The following C1QTNF1 variants were observed in gnomAD, a reference collection of about 807,000 sequenced individuals.
C1QTNF1 encodes C1q and TNF related 1.
C1QTNF1 carries 22 observed loss-of-function variants against 27.8 expected under a neutral mutation model. The ratio of observed to expected loss-of-function variants is 0.79; its 90% confidence interval spans 0.56 to 1.13. The LOEUF (loss-of-function observed/expected upper bound fraction) is 1.13, where lower values mean the gene tolerates loss of function less well. C1QTNF1 is among the 50% of genes most tolerant of loss of function. C1QTNF1 has a pLI of 0.00. For missense variants in C1QTNF1, 373 were observed against 380.2 expected (o/e 0.98, Z 0.16); for synonymous variants, 166 against 154.3 (o/e 1.08, Z -0.56).
chr17:79,034,728 G>A (rs991463091), intron 1 of C1QTNF1, among the ~76,000 whole-genome samples: 7 of 152,218 alleles, frequency 4.6e-5, no homozygotes, highest in African/African-American at 1.7e-4. Context: ...CTGGACTTGG[G>A]CTTTGGAAGT....
intron 1 of C1QTNF1, among the ~76,000 whole-genome samples, chr17:79,030,459 T>TTTC (rs2072096201): frequency 5.9e-5 from 8 of 135,314 alleles, no homozygotes; most frequent in African/African-American, 2.2e-4. Flanking sequence ...TCTTTCTTTC[T>TTTC]TTTCTTTCTT....
intron 1 of C1QTNF1, among the ~76,000 whole-genome samples, chr17:79,038,585 G>C (rs900085520): frequency 1.3e-5 from 2 of 152,222 alleles, no homozygotes; most frequent in Admixed American, 1.3e-4. Flanking sequence ...TGCTGGAACT[G>C]TCTTCAGTTG....
upstream of C1QTNF1, among the ~76,000 whole-genome samples, chr17:79,023,781 C>T (rs773175442): frequency 5.3e-5 from 8 of 152,090 alleles, no homozygotes; most frequent in Admixed American, 1.3e-4. Flanking sequence ...TCCCCCAAAC[C>T]TGTCTGAGTC....
At chr17:79,030,549 T>C (rs1476478948) in intron 1 of C1QTNF1, among the ~76,000 whole-genome samples, 4 of 150,996 alleles carry the variant, frequency 2.6e-5, no homozygotes, top group African/African-American at 9.8e-5. Context: ...TCTTTTTCTT[T>C]CTTTCCTCTC....
At chr17:79,039,601 C>G (rs1017168136) in intron 1 of C1QTNF1, among the ~76,000 whole-genome samples, 1 of 151,872 alleles carries the variant, frequency 6.6e-6, no homozygotes, top group Non-Finnish European at 1.5e-5. Flanking sequence ...TGCAGTGAGC[C>G]AAGATCGCGC....
At chr17:79,033,937 G>A (rs544360488) in intron 1 of C1QTNF1, among the ~76,000 whole-genome samples, 8 of 152,290 alleles carry the variant, frequency 5.3e-5, no homozygotes, top group African/African-American at 1.2e-4. Flanking sequence ...GTGGGTGATC[G>A]TAGCCAAGCA....
Position 79,046,860 on chromosome 17 carries a change from T to C in C1QTNF1, c.295+166T>C. The C allele has an allele frequency of 1.1e-6, 1 of 939,712 alleles. No homozygotes were observed. The highest frequency in any genetic ancestry group is 1.5e-6 in the Non-Finnish European group (1 of 646,910). The allele number at this position is 939,712 out of a possible 1,614,324, so 58.2% of individuals were successfully genotyped here. The stretch of plus-strand genomic sequence containing the variant: ...ATCTAGAGGGGAAGGCACAGGAAAT[T>C]CTGATTTTGAGGCTCTGGCCCCTCT... On this transcript the variant is annotated intron_variant, in intron 3 of 3. Coordinates refer to ENST00000579760, the MANE Select transcript of C1QTNF1 (RefSeq NM_030968.5). This position sits in a 1 kb window ranked among gnomAD's most constrained non-coding sequence, Gnocchi z 4.8.
intron 1 of C1QTNF1, chr17:79,024,795 T>C (rs1343733458): frequency 6.6e-6 from 1 of 152,436 alleles, no homozygotes; most frequent in Non-Finnish European, 1.5e-5. Flanking sequence ...CGGGAGGAAT[T>C]GCACCTTCCC....
rs766495404 is a variant in C1QTNF1 at position 79,047,850 on chromosome 17, A to G, written c.608A>G (p.Asn203Ser). 1.2e-6 allele frequency: 2 copies of G among 1,614,176 alleles called. No individual in the cohort carries two copies. The highest frequency in any genetic ancestry group is 1.7e-6 in the Non-Finnish European group (2 of 1,180,012). Residue 203 changes from asparagine (N) to serine (S), a missense_variant, in exon 4 of 4, where the codon AAC becomes AGC. Asn to Ser is a conservative substitution (Grantham distance 46, BLOSUM62 1). Transcript: ENST00000579760. ...YFFSLNVHTW[N>S]QKETYLHIMK... Reference sequence around the variant, plus strand: ...TTCAGCCTCAACGTGCACACCTGGAACCAGAAGGAGACCTACCTGCACATC... The same window carrying G: ...TTCAGCCTCAACGTGCACACCTGGAGCCAGAAGGAGACCTACCTGCACATC...
At chr17:79,027,218 A>G (rs1287563565) in intron 1 of C1QTNF1, among the ~76,000 whole-genome samples, 1 of 152,056 alleles carries the variant, frequency 6.6e-6, no homozygotes, top group Non-Finnish European at 1.5e-5. Flanking sequence ...AGTAGCCTCT[A>G]GAGATGTTCA....
chr17:79,047,987 C>G lies in C1QTNF1; in HGVS notation c.745C>G (p.Arg249Gly), dbSNP rs766930641. 3 of 1,613,050 alleles carry G rather than the reference C, an allele frequency of 1.9e-6. No individual in the cohort carries two copies. The highest frequency in any genetic ancestry group is 2.2e-5 in the South Asian group (2 of 91,042). Residue 249 changes from arginine (R) to glycine (G), a missense_variant, in exon 4 of 4, where the codon CGC becomes GGC. By Grantham distance (125) the Arg-to-Gly change is moderately radical. Transcript: ENST00000579760. ...GCGAGAGCAGGACCAGGTGTGGGTA[C>G]GCCTCTACAAGGGCGAACGTGAGAA... ...ELREQDQVWV[R>G]LYKGERENAI...
chr17:79,023,704 G>GCACACACACA (rs5822269), upstream of C1QTNF1, among the ~76,000 whole-genome samples: 812 of 145,004 alleles, frequency 5.6e-3, 8 homozygotes, highest in African/African-American at 0.01. Flanking sequence ...GCGCGCGCGC[G>GCACACACACA]CACACACACA....
chr17:79,040,495 A>C (rs1246981415), intron 1 of C1QTNF1, among the ~76,000 whole-genome samples: 1 of 152,090 alleles, frequency 6.6e-6, no homozygotes, highest in African/African-American at 2.4e-5. Flanking sequence ...GGAAGGCTTC[A>C]GGAAGACTAT....
chr17:79,033,703 C>CTAAATAAA (rs531584434), intron 1 of C1QTNF1, among the ~76,000 whole-genome samples: 3 of 151,542 alleles, frequency 2.0e-5, no homozygotes, highest in Non-Finnish European at 4.4e-5. Context: ...ACCCTGTCTC[C>CTAAATAAA]TAAATAAATA....
At chr17:79,043,041 T>G (rs1339609809) in intron 1 of C1QTNF1, among the ~76,000 whole-genome samples, 2 of 151,354 alleles carry the variant, frequency 1.3e-5, no homozygotes, top group African/African-American at 4.9e-5. Flanking sequence ...TGTATATGAA[T>G]GTGTGTGCAT....
At chr17:79,038,359 G>T (rs6501275) in intron 1 of C1QTNF1, among the ~76,000 whole-genome samples, 20,971 of 151,994 alleles carry the variant, frequency 0.14, 1,902 homozygotes, top group African/African-American at 0.25. Context: ...CGTGTAGCCT[G>T]GTTTCTCTTT....
intron 1 of C1QTNF1, among the ~76,000 whole-genome samples, chr17:79,030,517 C>CTTTCTTTCTTTCTTTCT (rs1555670032): frequency 4.8e-5 from 5 of 104,790 alleles, no homozygotes; most frequent in South Asian, 3.3e-4. Context: ...TTCTTTCTTT[C>CTTTCTTTCTTTCTTTCT]TTTCTTTCTT....
At chr17:79,036,330 A>G (rs1252383955) in intron 1 of C1QTNF1, among the ~76,000 whole-genome samples, 2 of 152,168 alleles carry the variant, frequency 1.3e-5, no homozygotes, top group Non-Finnish European at 2.9e-5. Flanking sequence ...GCACACTACC[A>G]TGCCTGGCTA....
chr17:79,027,525 C>T (rs2145882837), intron 1 of C1QTNF1: 1 of 152,412 alleles, frequency 6.6e-6, no homozygotes, highest in South Asian at 2.1e-4. Flanking sequence ...ATGCTGGGGT[C>T]CTTGGCCTGG....
Sources: allele counts gnomAD v4.1 joint callset (sites outside exome capture counted in the v4.1 genomes callset), GRCh38; gene constraint gnomAD v4.1.1; non-coding constraint Gnocchi (gnomAD v3.1); transcripts MANE v1.5; gene names NCBI Gene and HGNC (gene_info 2026-07-23, HGNC 2026-07-21).